LRRC3B: variants seen among roughly 807,000 people sequenced by gnomAD.
LRRC3B encodes leucine-rich repeat-containing protein 3B.
In LRRC3B, 2 loss-of-function variants were observed where a neutral mutation model predicts 12.8. The observed-to-expected ratio is 0.16, with a 90% confidence interval of 0.06 to 0.49. The LOEUF is 0.49. Ranked by LOEUF, LRRC3B falls within the 20% of genes least tolerant of loss-of-function variation. LRRC3B has a pLI of 0.96. For missense variants in LRRC3B, 189 were observed against 319.4 expected (o/e 0.59, Z 3.11); for synonymous variants, 132 against 122.0 (o/e 1.08, Z -0.54).
chr3:26,648,420 C>A (rs557876880), intron 1 of LRRC3B, among the ~76,000 whole-genome samples: 1 of 152,012 alleles, frequency 6.6e-6, no homozygotes, highest in Admixed American at 6.6e-5. Flanking sequence ...TCCATTTTTA[C>A]AAGAAATGAA....
At position 26,687,286 on chromosome 3, in the gene LRRC3B, G is replaced by A. The variant is rs1375430183; in HGVS notation, c.-160-22227G>A. ...TAGGATTTTGATACAGCCTTTGCTT[G>A]CTTCTGCTTTTGATGTCCTTGGCAT... is the stretch of plus-strand genomic sequence containing the variant. On this transcript the variant is annotated intron_variant, in intron 1 of 1. Transcript: ENST00000396641. Among the ~76,000 whole-genome samples, 7 of 152,122 alleles carry A rather than the reference G, an allele frequency of 4.6e-5. No homozygotes were observed. In the South Asian group the frequency reaches 1.2e-3, roughly 27 times the overall value.
intron 1 of LRRC3B, among the ~76,000 whole-genome samples, chr3:26,692,704 A>C (rs549158738): frequency 6.6e-6 from 1 of 152,358 alleles, no homozygotes; most frequent in East Asian, 1.9e-4. Flanking sequence ...ACATAAATAT[A>C]AATATATTAA....
chr3:26,671,373 T>TATATATAGAGAGAGAGAGAGAGAG (rs1261897533), intron 1 of LRRC3B, among the ~76,000 whole-genome samples: 2 of 28,254 alleles, frequency 7.1e-5, no homozygotes, highest in Non-Finnish European at 1.2e-4. Flanking sequence ...TATATATATA[T>TATATATAGAGAGAGAGAGAGAGAG]AGAGAGAGAG....
intron 1 of LRRC3B, among the ~76,000 whole-genome samples, chr3:26,679,703 G>C (rs763728011): frequency 2.0e-5 from 3 of 152,048 alleles, no homozygotes; most frequent in Non-Finnish European, 4.4e-5. Flanking sequence ...ATTTATTTGG[G>C]TGTCACCTGT....
chr3:26,671,156 C>T (rs1338583018), intron 1 of LRRC3B, among the ~76,000 whole-genome samples: 1 of 140,422 alleles, frequency 7.1e-6, no homozygotes, highest in Non-Finnish European at 1.5e-5. Flanking sequence ...GCTGGGACTA[C>T]AGGCGCCCGC....
intron 1 of LRRC3B, among the ~76,000 whole-genome samples, chr3:26,703,427 A>T (rs1394106874): frequency 1.3e-5 from 2 of 152,030 alleles, no homozygotes; most frequent in Admixed American, 6.6e-5. Flanking sequence ...TGACAGAGAG[A>T]CTCAAAGGCT....
At chr3:26,634,425 C>T (rs778474934) in intron 1 of LRRC3B, among the ~76,000 whole-genome samples, 75 of 152,292 alleles carry the variant, frequency 4.9e-4, no homozygotes, top group Admixed American at 5.9e-4. Context: ...GGAAGAAAAA[C>T]GTAGGTGTAG....
At position 26,671,358 on chromosome 3, in the gene LRRC3B, A is replaced by ATG. The variant is rs1559361662; in HGVS notation, c.-160-38154_-160-38153insGT. Among the ~76,000 whole-genome samples, 612 of 69,190 alleles carry ATG rather than the reference A, an allele frequency of 8.8e-3. 44 individuals carry two copies. Among genetic ancestry groups the ATG allele is most frequent in the African/African-American group, 0.033 (532 of 16,136 alleles). The allele number at this position is 69,190 out of a possible 152,430, so 45.4% of individuals were successfully genotyped here. A position where few individuals can be genotyped will look rare whatever the true frequency, so the allele number is the denominator to read the frequency against. ...TGTGTGTATATATGTGTGTATATAT[A>ATG]TATATATATATATATAGAGAGAGAG... is the stretch of plus-strand genomic sequence containing the variant. On this transcript the variant is annotated intron_variant, in intron 1 of 1. Transcript: ENST00000396641.
chr3:26,699,960 ATTTG>A (rs1700413695), intron 1 of LRRC3B, among the ~76,000 whole-genome samples: 2 of 152,180 alleles, frequency 1.3e-5, no homozygotes, highest in African/African-American at 2.4e-5. Context: ...TCAAAAATGT[ATTTG>A]TTTGTTTTTC....
rs201298821 is a variant in LRRC3B at position 26,631,234 on chromosome 3, TG to T, written c.-161+7999del. On this transcript the variant is annotated intron_variant, in intron 1 of 1. Transcript: ENST00000396641. The stretch of plus-strand genomic sequence containing the variant: ...CATTCGCTTGTGTTTTAGCTCCCAG[TG>T]GCCCCCTTGGCTAGGTTCACTGTAG... Among the ~76,000 whole-genome samples, 710 of 152,296 alleles carry T rather than the reference TG, an allele frequency of 4.7e-3. 3 individuals carry two copies. Among genetic ancestry groups the T allele is most frequent in the African/African-American group, 0.016 (667 of 41,568 alleles).
intron 1 of LRRC3B, among the ~76,000 whole-genome samples, chr3:26,637,372 C>T (rs957914651): frequency 6.6e-6 from 1 of 152,176 alleles, no homozygotes; most frequent in Non-Finnish European, 1.5e-5. Flanking sequence ...TCTCAACCTC[C>T]ACCACCTCAA....
At chr3:26,629,391 A>G (rs1001018169) in intron 1 of LRRC3B, among the ~76,000 whole-genome samples, 1 of 152,260 alleles carries the variant, frequency 6.6e-6, no homozygotes, top group Non-Finnish European at 1.5e-5. Flanking sequence ...GGCACAGTGC[A>G]TAGTTCTCTA....
intron 1 of LRRC3B, among the ~76,000 whole-genome samples, chr3:26,656,469 G>A (rs562993558): frequency 1.3e-5 from 2 of 152,242 alleles, no homozygotes; most frequent in African/African-American, 4.8e-5. Flanking sequence ...CTCTGTTACT[G>A]TTAGCCACAA....
chr3:26,709,911 C>G, exon 2 of LRRC3B: 1 of 1,614,052 alleles, frequency 6.2e-7, no homozygotes, highest in Non-Finnish European at 8.5e-7. Context: ...ACATCTATTC[C>G]CAATGAAATT....
At chr3:26,668,887 G>C (rs1699663099) in intron 1 of LRRC3B, among the ~76,000 whole-genome samples, 1 of 152,084 alleles carries the variant, frequency 6.6e-6, no homozygotes, top group South Asian at 2.1e-4. Flanking sequence ...TATATTATGA[G>C]TATTTAGTAG....
At chr3:26,691,557 G>A (rs1700194751) in intron 1 of LRRC3B, among the ~76,000 whole-genome samples, 3 of 152,132 alleles carry the variant, frequency 2.0e-5, no homozygotes, top group Admixed American at 2.0e-4. Flanking sequence ...GATAAGTATT[G>A]TGTGAAAATA....
chr3:26,650,515 C>G (rs974065613), intron 1 of LRRC3B, among the ~76,000 whole-genome samples: 2 of 152,138 alleles, frequency 1.3e-5, no homozygotes, highest in Non-Finnish European at 2.9e-5. Context: ...ACAGCACACC[C>G]TGGATACAGG....
Position 26,664,293 on chromosome 3 carries a change from A to AT in LRRC3B, c.-161+41056_-161+41057insT, listed in dbSNP as rs1198235795. Among the ~76,000 whole-genome samples the AT allele has an allele frequency of 1.3e-5, 2 of 152,088 alleles. 1 individual carries two copies. The highest frequency in any genetic ancestry group is 2.9e-5 in the Non-Finnish European group (2 of 68,006). ...ATTGCTTCTTCCAGGAGTTTTGGGT[A>AT]ACATTTTTTCCTACACTGTTGAGAA... On this transcript the variant is annotated intron_variant, in intron 1 of 1. Transcript: ENST00000396641.
chr3:26,692,909 T>C, intron 1 of LRRC3B, among the ~76,000 whole-genome samples: 1 of 152,186 alleles, frequency 6.6e-6, no homozygotes, highest in Non-Finnish European at 1.5e-5. Context: ...TTTTCCCATA[T>C]GTTTGGAGTG....
Sources: allele counts gnomAD v4.1 joint callset (sites outside exome capture counted in the v4.1 genomes callset), GRCh38; gene constraint gnomAD v4.1.1; transcripts MANE v1.5; gene names NCBI Gene and HGNC (gene_info 2026-07-23, HGNC 2026-07-21).